The following ZNF112 variants were observed in gnomAD, a reference collection of about 807,000 sequenced individuals.
ZNF112 encodes zinc finger protein 112 (Y14).
In ZNF112, 37 loss-of-function variants were observed where a neutral mutation model predicts 77.7. That is an observed-to-expected ratio of 0.48 (90% CI 0.37 to 0.63). The LOEUF (loss-of-function observed/expected upper bound fraction) is 0.63. Ranked by LOEUF, ZNF112 falls within the 20% of genes least tolerant of loss-of-function variation. ZNF112 has a pLI of 0.00. For missense variants in ZNF112, 950 were observed against 1,077.4 expected (o/e 0.88, Z 1.66); for synonymous variants, 333 against 363.6 (o/e 0.92, Z 0.96).
chr19:44,361,211 C>T (rs1970852351), upstream of ZNF112, among the ~76,000 whole-genome samples: 2 of 152,096 alleles, frequency 1.3e-5, no homozygotes, highest in Admixed American at 6.6e-5. Flanking sequence ...AATCTTAAAA[C>T]TTAGGGTAGT....
intron 1 of ZNF112, among the ~76,000 whole-genome samples, chr19:44,346,646 C>T (rs2196186): frequency 0.41 from 61,762 of 151,956 alleles, 14,817 homozygotes; most frequent in South Asian, 0.58. Context: ...AATATACTCT[C>T]ACTGAGTTGA....
At chr19:44,356,250 A>T (rs1011392894) in intron 1 of ZNF112, among the ~76,000 whole-genome samples, 1 of 152,200 alleles carries the variant, frequency 6.6e-6, no homozygotes, top group South Asian at 2.1e-4. Context: ...TTAACTCTCA[A>T]AAGAACTCCA....
chr19:44,337,160 C>T lies in ZNF112; in HGVS notation c.125-442G>A, dbSNP rs376650223. Among the ~76,000 whole-genome samples the T allele has an allele frequency of 4.7e-5, 7 of 149,442 alleles. No homozygotes were observed. The East Asian group carries it at 9.9e-4, about 21-fold the overall frequency. On this transcript the variant is annotated intron_variant, in intron 2 of 3. Transcript: ENST00000354340. ...TGCTGAGATTACAGGTGTGAGCCACCACGCCTGGCCATTATTTTCATTAAA... is the reference window on the plus strand; with the variant it reads ...TGCTGAGATTACAGGTGTGAGCCACTACGCCTGGCCATTATTTTCATTAAA...
chr19:44,358,156 GA>G (rs59023124), upstream of ZNF112, among the ~76,000 whole-genome samples: 761 of 130,374 alleles, frequency 5.8e-3, 31 homozygotes, highest in Non-Finnish European at 9.2e-3. Flanking sequence ...CGTCTCAAAA[GA>G]AAAAAAAAAA....
At chr19:44,344,601 AT>A (rs1970554100) in intron 1 of ZNF112, among the ~76,000 whole-genome samples, 1 of 152,138 alleles carries the variant, frequency 6.6e-6, no homozygotes, top group Non-Finnish European at 1.5e-5. Flanking sequence ...CTCATCCAAT[AT>A]TTATGGATTG....
intron 2 of ZNF112, among the ~76,000 whole-genome samples, chr19:44,339,405 C>T (rs1238628891): frequency 6.6e-6 from 1 of 152,194 alleles, no homozygotes; most frequent in Non-Finnish European, 1.5e-5. Flanking sequence ...TCTGGAGAAA[C>T]TGGAATCTAA....
upstream of ZNF112, among the ~76,000 whole-genome samples, chr19:44,357,065 G>T (rs2042723729): frequency 6.6e-6 from 1 of 152,202 alleles, no homozygotes; most frequent in Non-Finnish European, 1.5e-5. Context: ...GGAATTTCTT[G>T]CAGGGTAGCA....
At chr19:44,343,997 A>G (rs1004675094) in intron 1 of ZNF112, among the ~76,000 whole-genome samples, 5 of 152,240 alleles carry the variant, frequency 3.3e-5, no homozygotes, top group African/African-American at 1.2e-4. Flanking sequence ...TACTATATAC[A>G]TCGAGACCAC....
chr19:44,343,273 C>A, intron 1 of ZNF112: 1 of 1,613,400 alleles, frequency 6.2e-7, no homozygotes, highest in Non-Finnish European at 8.5e-7. Flanking sequence ...GGTCATTTTT[C>A]TCTTTCTTTT....
Position 44,328,732 on chromosome 19 carries a change from G to A in ZNF112, c.1425C>T (p.Ser475=). The A allele has an allele frequency of 6.2e-7, 1 of 1,613,936 alleles. No homozygotes were observed. The highest frequency in any genetic ancestry group is 8.5e-7 in the Non-Finnish European group (1 of 1,179,934). The change falls in exon 4 of 4, where the codon AGC becomes AGT. Residue 475 remains serine (S), a synonymous_variant. Coordinates refer to ENST00000354340, the MANE Select transcript of ZNF112 (RefSeq NM_013380.4). ...YKRYVCSNSF[S]HNLYLQGHPK... is the part of the protein sequence containing the mutation. ...GATGACCTTGAAGATATAAATTATG[G>A]CTGAAGCTGTTACTACACACATAGC...
intron 1 of ZNF112, among the ~76,000 whole-genome samples, chr19:44,345,975 G>A (rs1970581593): frequency 6.6e-6 from 1 of 152,120 alleles, no homozygotes. Flanking sequence ...CCCTTCAAAT[G>A]TAAAAATCAT....
At chr19:44,342,479 T>C (rs1255990285) in intron 1 of ZNF112, among the ~76,000 whole-genome samples, 7 of 152,134 alleles carry the variant, frequency 4.6e-5, no homozygotes, top group Non-Finnish European at 8.8e-5. Flanking sequence ...AATGTAAAAC[T>C]GCAAGAATCC....
At chr19:44,351,416 G>A (rs1316701572) in intron 1 of ZNF112, among the ~76,000 whole-genome samples, 3 of 151,912 alleles carry the variant, frequency 2.0e-5, no homozygotes, top group African/African-American at 7.2e-5. Flanking sequence ...ATTTGCTTAT[G>A]GATTAGTATC....
In ZNF112 at chr19:44,328,753, A is replaced by G. The variant is rs370801215; in HGVS notation, c.1404T>C (p.Tyr468=). 2 of 1,613,944 alleles carry G rather than the reference A, an allele frequency of 1.2e-6. No homozygotes were observed. The highest frequency in any genetic ancestry group is 1.7e-5 in the Admixed American group (1 of 59,970). ...VHTKEQPYKR[Y]VCSNSFSHNL... ...TATGGCTGAAGCTGTTACTACACAC[A>G]TAGCGTTTATATGGTTGTTCCTTAG... The change falls in exon 4 of 4, where the codon TAT becomes TAC. Residue 468 remains tyrosine (Y), a synonymous_variant. Coordinates refer to ENST00000354340, the MANE Select transcript of ZNF112 (RefSeq NM_013380.4).
intron 1 of ZNF112, among the ~76,000 whole-genome samples, chr19:44,365,018 T>G (rs2722744): frequency 0.49 from 74,067 of 151,654 alleles, 19,794 homozygotes; most frequent in South Asian, 0.62. Context: ...GGGTGTTCCC[T>G]TCCCTTTTCG....
At chr19:44,351,917 T>C (rs1370800488) in intron 1 of ZNF112, among the ~76,000 whole-genome samples, 5 of 152,086 alleles carry the variant, frequency 3.3e-5, no homozygotes, top group African/African-American at 9.7e-5. Flanking sequence ...AATGGTTTAA[T>C]TCCTTCAAAG....
At chr19:44,334,899 G>A (rs1970338183) in intron 3 of ZNF112, among the ~76,000 whole-genome samples, 1 of 152,268 alleles carries the variant, frequency 6.6e-6, no homozygotes, top group Non-Finnish European at 1.5e-5. Flanking sequence ...GGTCAATGGA[G>A]AAGGGAAATG....
In ZNF112 at chr19:44,329,838, C is replaced by T; in HGVS notation, c.319G>A (p.Ala107Thr). The T allele has an allele frequency of 1.2e-6, 2 of 1,613,974 alleles. No individual in the cohort carries two copies. Among genetic ancestry groups the T allele is most frequent in the South Asian group, 2.2e-5 (2 of 91,086 alleles). ...TCTTGACACCTGATTAACCCACCTGCACTTTGTTGCCAGGTCTGACGGGAG... is the reference window on the plus strand; with the variant it reads ...TCTTGACACCTGATTAACCCACCTGTACTTTGTTGCCAGGTCTGACGGGAG... Reference protein sequence around the residue: ...LSSRQTWQQSAGGLIRCQDFL... With the variant: ...LSSRQTWQQSTGGLIRCQDFL... The change falls in exon 4 of 4, where the codon GCA becomes ACA. Residue 107 changes from alanine to threonine, a missense_variant. Physicochemically the swap from Ala to Thr is moderately conservative, Grantham distance 58. Coordinates refer to ENST00000354340, the MANE Select transcript of ZNF112 (RefSeq NM_013380.4).
Position 44,329,133 on chromosome 19 carries a change from T to G in ZNF112, c.1024A>C (p.Thr342Pro). The change falls in exon 4 of 4, where the codon ACT (threonine) becomes CCT (proline). Residue 342 changes from threonine to proline, a missense_variant. Transcript: ENST00000354340. Reference sequence around the variant, plus strand: ...TCACCTGTGTGGATAAGTTCATAAGTGTTAAGAGGGGAACAGTGATTGAAG... The same window carrying G: ...TCACCTGTGTGGATAAGTTCATAAGGGTTAAGAGGGGAACAGTGATTGAAG... ...ENFNHCSPLN[T>P]YELIHTGEMS... The G allele has an allele frequency of 6.2e-7, 1 of 1,613,944 alleles. No homozygotes were observed. Among genetic ancestry groups the G allele is most frequent in the South Asian group, 1.1e-5 (1 of 91,084 alleles).
Sources: allele counts gnomAD v4.1 joint callset (sites outside exome capture counted in the v4.1 genomes callset), GRCh38; gene constraint gnomAD v4.1.1; transcripts MANE v1.5; gene names NCBI Gene and HGNC (gene_info 2026-07-23, HGNC 2026-07-21).